Variants in ZFHX3 observed in about 807,000 individuals in gnomAD.
The protein encoded by ZFHX3 is zinc finger homeobox protein 3.
ZFHX3 carries 42 observed loss-of-function variants against 279.1 expected under a neutral mutation model. The ratio of observed to expected loss-of-function variants is 0.15; its 90% CI spans 0.12 to 0.19. ZFHX3 has a LOEUF of 0.19. Ranked by LOEUF, ZFHX3 falls within the 10% of genes least tolerant of loss-of-function variation. The probability of loss-of-function intolerance (pLI) is 1.00; values close to 1 mark genes in which losing one functional copy is unlikely to be tolerated. For missense variants in ZFHX3, 4,981 were observed against 4,754.0 expected, an observed-to-expected ratio of 1.05 and a Z score of -1.40; for synonymous variants, 2,293 against 1,957.8, an observed-to-expected ratio of 1.17 and a Z score of -4.52.
chr16:73,232,627 A>G (rs1358957092), intron 5 of ZFHX3: 2 of 152,206 alleles, frequency 1.3e-5, no homozygotes, highest in Admixed American at 1.3e-4. Flanking sequence ...GCAGGACGCA[A>G]TGGACTTTGC....
intron 3 of ZFHX3, among the ~76,000 whole-genome samples, chr16:73,445,276 ATGTGTG>A (rs1295490783): frequency 9.3e-5 from 6 of 64,306 alleles, no homozygotes; most frequent in Admixed American, 2.7e-4. Context: ...GTATGTATAT[ATGTGTG>A]TATATATATA....
At chr16:73,706,636 C>T (rs1940012953) in intron 1 of ZFHX3, among the ~76,000 whole-genome samples, 1 of 152,050 alleles carries the variant, frequency 6.6e-6, no homozygotes, top group East Asian at 1.9e-4. Context: ...GCCTTCATGC[C>T]CCAGAAGATC....
intron 1 of ZFHX3, among the ~76,000 whole-genome samples, chr16:73,845,036 A>G (rs567396690): frequency 6.6e-6 from 1 of 152,206 alleles, no homozygotes; most frequent in Non-Finnish European, 1.5e-5. Flanking sequence ...AGGTGGTAGG[A>G]GCTCCTCTTT....
At chr16:73,606,169 T>C (rs1199921738) in intron 2 of ZFHX3, among the ~76,000 whole-genome samples, 1 of 99,466 alleles carries the variant, frequency 1.0e-5, no homozygotes. Context: ...GGGATTGAGC[T>C]AGGCTCCATC....
chr16:72,972,465 TC>T (rs1043173957), intron 1 of ZFHX3, among the ~76,000 whole-genome samples: 2 of 152,126 alleles, frequency 1.3e-5, no homozygotes, highest in Admixed American at 1.3e-4. Flanking sequence ...GAAGTCCCCC[TC>T]CTTTATGTGA....
chr16:73,294,053 C>A (rs1251544050), intron 4 of ZFHX3: 1 of 136,236 alleles, frequency 7.3e-6, no homozygotes, highest in East Asian at 2.3e-4. Flanking sequence ...TATCTAGTTT[C>A]TGGAAAAGTT....
At chr16:73,685,640 A>G (rs2053074879) in intron 1 of ZFHX3, among the ~76,000 whole-genome samples, 1 of 152,194 alleles carries the variant, frequency 6.6e-6, no homozygotes, top group Admixed American at 6.5e-5. Flanking sequence ...CAACCATAGG[A>G]ATCTATTATA....
At chr16:73,395,546 G>A (rs1178720930) in intron 3 of ZFHX3, among the ~76,000 whole-genome samples, 11 of 151,892 alleles carry the variant, frequency 7.2e-5, no homozygotes, top group African/African-American at 2.7e-4. Flanking sequence ...TTTTCTTTAA[G>A]AAATTCTGAA....
chr16:72,918,649 A>C lies in ZFHX3; in HGVS notation c.3217-28687T>G, dbSNP rs187783672. Among the ~76,000 whole-genome samples, 159 of 152,044 alleles carry C rather than the reference A, an allele frequency of 1.0e-3. 2 individuals carry two copies. Among genetic ancestry groups the C allele is most frequent in the Non-Finnish European group, 3.8e-4 (26 of 67,998 alleles). Reference sequence around the variant, plus strand: ...GCCCTGGACTCCTTTGTATAAAGAAATGGAAATGTTCAGAGAATCTCTATG... The same window carrying C: ...GCCCTGGACTCCTTTGTATAAAGAACTGGAAATGTTCAGAGAATCTCTATG... On this transcript the variant is annotated intron_variant, in intron 3 of 9. Coordinates refer to ENST00000268489, the MANE Select transcript of ZFHX3 (RefSeq NM_006885.4).
chr16:73,233,336 C>T (rs529456668), intron 5 of ZFHX3, among the ~76,000 whole-genome samples: 115 of 152,164 alleles, frequency 7.6e-4, no homozygotes, highest in African/African-American at 2.7e-3. Flanking sequence ...AAAATGAAAA[C>T]CCCAAAACCA....
intron 1 of ZFHX3, among the ~76,000 whole-genome samples, chr16:73,701,080 G>C (rs1215758417): frequency 2.0e-5 from 3 of 152,120 alleles, no homozygotes; most frequent in African/African-American, 7.2e-5. Flanking sequence ...ATATAGATCA[G>C]ATCCCATACT....
chr16:73,409,142 C>T (rs138308585), intron 3 of ZFHX3, among the ~76,000 whole-genome samples: 86 of 152,282 alleles, frequency 5.6e-4, no homozygotes, highest in African/African-American at 2.0e-3. Flanking sequence ...GCTACCAAGC[C>T]AACTATTAAT....
chr16:73,536,149 T>C (rs144258051), intron 2 of ZFHX3, among the ~76,000 whole-genome samples: 1 of 152,336 alleles, frequency 6.6e-6, no homozygotes, highest in East Asian at 1.9e-4. Context: ...GTTACACCAG[T>C]GCAGTCAGGC....
intron 6 of ZFHX3, 50 bp from the exon 7 acceptor site, chr16:72,811,827 C>CCCCCCCCCCAAAATTTTTT: frequency 1.9e-6 from 3 of 1,596,680 alleles, no homozygotes; most frequent in Non-Finnish European, 2.6e-6. Context: ...GCCCCAAGCC[C>CCCCCCCCCCAAAATTTTTT]GCCCACCCAA....
chr16:73,276,217 C>G (rs1242086282), intron 4 of ZFHX3, among the ~76,000 whole-genome samples: 1 of 138,958 alleles, frequency 7.2e-6, no homozygotes, highest in Non-Finnish European at 1.5e-5. Flanking sequence ...GAGTTTCGCT[C>G]TTGTTACCCA....
intron 3 of ZFHX3, among the ~76,000 whole-genome samples, chr16:73,320,018 A>G (rs1335794688): frequency 1.3e-5 from 2 of 152,186 alleles, no homozygotes; most frequent in African/African-American, 4.8e-5. Context: ...CTTTATCTCC[A>G]GAGAGAGCTG....
chr16:73,010,329 G>A lies in ZFHX3; in HGVS notation c.-50+37423C>T, dbSNP rs549747818. Among the ~76,000 whole-genome samples, 13 of 152,242 alleles carry A rather than the reference G, an allele frequency of 8.5e-5. No individual in the cohort carries two copies. The East Asian group carries it at 1.5e-3, about 18-fold the overall frequency. ...TGCACCGTTCCCCATTCATCCCCACGAGAGGTTCAGCAGCCACTGCCGCTA... is the reference window on the plus strand; with the variant it reads ...TGCACCGTTCCCCATTCATCCCCACAAGAGGTTCAGCAGCCACTGCCGCTA... On this transcript the variant is annotated intron_variant, in intron 1 of 9. Transcript: ENST00000268489.
At chr16:72,989,188 A>T (rs1962969362) in intron 1 of ZFHX3, among the ~76,000 whole-genome samples, 1 of 151,844 alleles carries the variant, frequency 6.6e-6, no homozygotes, top group African/African-American at 2.4e-5. Context: ...TAAAAAAAAA[A>T]AAAAATTAAA....
intron 4 of ZFHX3, among the ~76,000 whole-genome samples, chr16:72,850,174 C>G (rs994895869): frequency 2.0e-5 from 3 of 152,170 alleles, no homozygotes; most frequent in African/African-American, 4.8e-5. Flanking sequence ...CTCTGCCCAC[C>G]CTGGGGAAGC....
Sources: gnomAD v4.1 joint callset for allele counts (sites outside exome capture counted in the v4.1 genomes callset) on GRCh38, gnomAD v4.1.1 for gene constraint, MANE v1.5 for transcripts, NCBI Gene and HGNC (gene_info 2026-07-23, HGNC 2026-07-21) for gene names.